ERI1: variants seen among roughly 807,000 people sequenced by gnomAD.
ERI1 encodes the protein exoribonuclease 1, also known as 3'-5' exoribonuclease 1.
In ERI1, 39 loss-of-function variants were observed where a neutral mutation model predicts 39.7. That is an observed-to-expected ratio of 0.98 (90% CI 0.76 to 1.28). The LOEUF (loss-of-function observed/expected upper bound fraction) is 1.28. Among genes scored for constraint, ERI1 ranks in the 50% most tolerant of loss-of-function variants. The pLI is 0.00. For synonymous variants in ERI1, 204 were observed against 149.6 expected (o/e 1.36, Z -2.65); for missense variants, 581 against 416.9 (o/e 1.39, Z -3.43).
chr8:9,037,993 C>A (rs554643519), downstream of ERI1, among the ~76,000 whole-genome samples: 2 of 151,326 alleles, frequency 1.3e-5, no homozygotes, highest in African/African-American at 4.8e-5. Context: ...AACTTTTTTG[C>A]ACAAGTACTC....
At chr8:9,079,969 C>A (rs1480965730) in intron 3 of ERI1, among the ~76,000 whole-genome samples, 1 of 148,642 alleles carries the variant, frequency 6.7e-6, no homozygotes, top group Non-Finnish European at 1.5e-5. Flanking sequence ...CTATGCTTGG[C>A]CCACAAGCAG....
downstream of ERI1, among the ~76,000 whole-genome samples, chr8:9,035,028 A>G (rs1797797546): frequency 1.3e-5 from 2 of 152,222 alleles, no homozygotes; most frequent in African/African-American, 4.8e-5. Flanking sequence ...ACTGTCTCAT[A>G]TTCTGTGAGG....
At chr8:9,073,099 C>G (rs2117431761) in intron 3 of ERI1, among the ~76,000 whole-genome samples, 1 of 152,332 alleles carries the variant, frequency 6.6e-6, no homozygotes, top group East Asian at 1.9e-4. Context: ...AATCCTTCAT[C>G]TGGCTTCTGC....
chr8:9,070,647 A>G (rs1053656092), intron 3 of ERI1, among the ~76,000 whole-genome samples: 4 of 152,262 alleles, frequency 2.6e-5, no homozygotes, highest in African/African-American at 9.6e-5. Context: ...CACAGGAGTC[A>G]TTGCTCATAA....
chr8:9,026,343 C>G (rs1329285657), intron 6 of ERI1, among the ~76,000 whole-genome samples: 1 of 152,158 alleles, frequency 6.6e-6, no homozygotes, highest in Non-Finnish European at 1.5e-5. Flanking sequence ...CCACATCATT[C>G]TCCAGAACTC....
chr8:9,011,941 C>A (rs2117203936), intron 3 of ERI1, among the ~76,000 whole-genome samples, 189 bp downstream of exon 3: 1 of 152,270 alleles, frequency 6.6e-6, no homozygotes, highest in South Asian at 2.1e-4. Flanking sequence ...GAGACTACTG[C>A]TTTCTTTTTG....
intron 3 of ERI1, among the ~76,000 whole-genome samples, chr8:9,063,544 T>C (rs2117404623): frequency 6.6e-6 from 1 of 151,740 alleles, no homozygotes; most frequent in East Asian, 1.9e-4. Context: ...GTCAGATGGG[T>C]CTGTAGAAAA....
downstream of ERI1, among the ~76,000 whole-genome samples, chr8:9,033,604 C>T (rs546717863): frequency 2.0e-5 from 3 of 152,326 alleles, no homozygotes; most frequent in South Asian, 2.1e-4. Flanking sequence ...ATTTATGGAG[C>T]ACTGTTAAGT....
Position 9,016,409 on chromosome 8 carries a change from A to T in ERI1, c.582+4A>T. 1 of 1,572,964 alleles carries T rather than the reference A, an allele frequency of 6.4e-7. No homozygotes were observed. Among genetic ancestry groups the T allele is most frequent in the Middle Eastern group, 1.7e-4 (1 of 5,952 alleles). On this transcript the variant is annotated splice_donor_region_variant and intron_variant, in intron 4 of 6. Transcript: ENST00000250263. ...CAGTCTAACTGGAATTACTCAGGTT[A>T]TAATTCTAAGTTCTTCTTTCTAGAG...
In ERI1 at chr8:9,032,099, C is replaced by G. The variant is rs1028691055; in HGVS notation, c.*2065C>G. On this transcript the variant is annotated 3_prime_UTR_variant, in exon 7 of 7. Coordinates refer to ENST00000250263, the MANE Select transcript of ERI1 (RefSeq NM_153332.4). ...TCCTCTGTTGAGTCTCTGTCCTCCC[C>G]TCCAATTTGATTTGGGATTTTGCTG... 1 of 152,164 alleles carries G rather than the reference C, an allele frequency of 6.6e-6. No individual in the cohort carries two copies. The highest frequency in any genetic ancestry group is 6.5e-5 in the Admixed American group (1 of 15,276). The allele number at this position is 152,164 out of a possible 1,614,324, so 9.4% of individuals were successfully genotyped here.
Position 9,030,168 on chromosome 8 carries a change from A to G in ERI1, c.*134A>G. 1.7e-6 allele frequency: 2 copies of G among 1,184,538 alleles called. No individual in the cohort carries two copies. The highest frequency in any genetic ancestry group is 3.0e-5 in the South Asian group (2 of 65,784). The allele number at this position is 1,184,538 out of a possible 1,614,324, so 73.4% of individuals were successfully genotyped here. On this transcript the variant is annotated 3_prime_UTR_variant, in exon 7 of 7. Coordinates refer to ENST00000250263, the MANE Select transcript of ERI1 (RefSeq NM_153332.4). The stretch of plus-strand genomic sequence containing the variant: ...TAAAATCTTATTACAGGTGATAGAG[A>G]TAGATACATGTATGTGAACAGATTT...
chr8:9,079,828 G>A (rs545054509), intron 3 of ERI1, among the ~76,000 whole-genome samples: 119 of 152,100 alleles, frequency 7.8e-4, no homozygotes, highest in Non-Finnish European at 1.3e-3. Flanking sequence ...ACACCACCAG[G>A]CCTGGGTAAT....
intron 3 of ERI1, among the ~76,000 whole-genome samples, chr8:9,058,184 A>T (rs987352798): frequency 6.6e-6 from 1 of 152,178 alleles, no homozygotes; most frequent in Non-Finnish European, 1.5e-5. Flanking sequence ...AATTACCCAG[A>T]GCCCTCACGT....
chr8:9,039,500 T>G (rs1322646277), intron 3 of ERI1, among the ~76,000 whole-genome samples: 3 of 152,196 alleles, frequency 2.0e-5, no homozygotes, highest in South Asian at 2.1e-4. Flanking sequence ...TGTAAATGAT[T>G]AGTGAAAACA....
rs1047707968 is a variant in ERI1 at position 9,030,205 on chromosome 8, A to G, written c.*171A>G. ...ATGTGAACAGATTTTGTAGGAAGGC[A>G]TACTGAATTCTTTGTCACCAGCACT... On this transcript the variant is annotated 3_prime_UTR_variant, in exon 7 of 7. Coordinates refer to ENST00000250263, the MANE Select transcript of ERI1 (RefSeq NM_153332.4). 8.1e-6 allele frequency: 7 copies of G among 859,040 alleles called. No homozygotes were observed. The highest frequency in any genetic ancestry group is 1.9e-5 in the South Asian group (1 of 53,460). 53.2% of individuals were successfully genotyped at this position (859,040 alleles called of 1,614,324 possible).
chr8:9,065,961 G>C (rs565777107), intron 3 of ERI1, among the ~76,000 whole-genome samples: 1 of 152,240 alleles, frequency 6.6e-6, no homozygotes, highest in South Asian at 2.1e-4. Context: ...TCTAGTTTAT[G>C]AGAAGGGAAG....
At chr8:9,021,765 G>GTTTTTTT (rs1161148984) in intron 6 of ERI1, among the ~76,000 whole-genome samples, 1 of 51,108 alleles carries the variant, frequency 2.0e-5, no homozygotes, top group African/African-American at 8.0e-5. Context: ...TATATTATTT[G>GTTTTTTT]TTTTTTTTGT....
At chr8:9,021,765 G>GTTT (rs1161148984) in intron 6 of ERI1, among the ~76,000 whole-genome samples, 2 of 51,108 alleles carry the variant, frequency 3.9e-5, no homozygotes, top group African/African-American at 1.6e-4. Context: ...TATATTATTT[G>GTTT]TTTTTTTTGT....
intron 3 of ERI1, among the ~76,000 whole-genome samples, chr8:9,052,573 T>G (rs1234178003): frequency 6.6e-6 from 1 of 152,174 alleles, no homozygotes; most frequent in African/African-American, 2.4e-5. Context: ...TGCACACGTA[T>G]GAAGGGACAT....
Sources: gnomAD v4.1 joint callset for allele counts (sites outside exome capture counted in the v4.1 genomes callset) on GRCh38, gnomAD v4.1.1 for gene constraint, MANE v1.5 for transcripts, NCBI Gene and HGNC (gene_info 2026-07-23, HGNC 2026-07-21) for gene names.